CMSS1: variants seen among roughly 807,000 people sequenced by gnomAD.
The protein encoded by CMSS1 is protein CMSS1.
In CMSS1, 33 loss-of-function variants were observed where a neutral mutation model predicts 43.5. The ratio of observed to expected loss-of-function variants is 0.76; its 90% CI spans 0.57 to 1.01. The LOEUF (loss-of-function observed/expected upper bound fraction) is 1.01, where lower values mean the gene tolerates loss of function less well. Among genes scored for constraint, CMSS1 ranks in the 50% least tolerant of loss-of-function variants. CMSS1 has a pLI of 0.00. For synonymous variants in CMSS1, 115 were observed against 117.2 expected (o/e 0.98, Z 0.12); for missense variants, 313 against 326.4 (o/e 0.96, Z 0.32).
At chr3:99,986,507 G>A (rs746326595) in intron 1 of CMSS1, among the ~76,000 whole-genome samples, 9 of 152,152 alleles carry the variant, frequency 5.9e-5, no homozygotes, top group Admixed American at 1.3e-4. Flanking sequence ...AGAAATAGAC[G>A]AGAACAGGAG....
At chr3:100,119,110 A>G (rs2066599329) in intron 1 of CMSS1, among the ~76,000 whole-genome samples, 1 of 152,184 alleles carries the variant, frequency 6.6e-6, no homozygotes. Flanking sequence ...TAATGACTTT[A>G]AAATGATTCA....
At chr3:100,102,192 C>T (rs190926062) in intron 1 of CMSS1, among the ~76,000 whole-genome samples, 38 of 152,326 alleles carry the variant, frequency 2.5e-4, no homozygotes, top group Non-Finnish European at 4.9e-4. Context: ...TGAGGAATCA[C>T]CACACCGACT....
At chr3:100,164,230 T>C (rs1026253374) in intron 4 of CMSS1, among the ~76,000 whole-genome samples, 1 of 152,206 alleles carries the variant, frequency 6.6e-6, no homozygotes, top group African/African-American at 2.4e-5. Flanking sequence ...AAAACCACTT[T>C]TGAAGCTTTA....
At chr3:99,926,401 T>A (rs1707294637) in intron 1 of CMSS1, among the ~76,000 whole-genome samples, 1 of 152,252 alleles carries the variant, frequency 6.6e-6, no homozygotes, top group Non-Finnish European at 1.5e-5. Context: ...GAGGCTCTAG[T>A]GTTGATTGTC....
At chr3:99,827,654 G>T (rs1164958312) in intron 1 of CMSS1, among the ~76,000 whole-genome samples, 1 of 151,910 alleles carries the variant, frequency 6.6e-6, no homozygotes, top group Non-Finnish European at 1.5e-5. Context: ...GCCCAGGCTG[G>T]AGTGCAATGG....
chr3:100,135,484 G>A (rs1213216704), intron 1 of CMSS1, among the ~76,000 whole-genome samples: 1 of 144,710 alleles, frequency 6.9e-6, no homozygotes, highest in Non-Finnish European at 1.5e-5. Flanking sequence ...GTGTGTGTGT[G>A]TGTGTGTTTA....
Position 99,983,025 on chromosome 3 carries a change from TATGAGGGAAGTCATTGTTCTGTACCC to T in CMSS1, c.65-163945_65-163920del, listed in dbSNP as rs372420577. Among the ~76,000 whole-genome samples, 568 of 152,216 alleles carry T rather than the reference TATGAGGGAAGTCATTGTTCTGTACCC, an allele frequency of 3.7e-3. 3 individuals are homozygous for T. Among genetic ancestry groups the T allele is most frequent in the African/African-American group, 0.013 (540 of 41,526 alleles). ...TGTGCTTTTGTACCCACTGTGTGAA[TATGAGGGAAGTCATTGTTCTGTACCC>T]ATCAGGAATAACACATGCAATGATG... On this transcript the variant is annotated intron_variant, in intron 1 of 9. Transcript: ENST00000421999.
At chr3:99,849,719 C>T (rs765951675) in intron 1 of CMSS1, 5 of 1,613,774 alleles carry the variant, frequency 3.1e-6, no homozygotes, top group South Asian at 1.1e-5. Context: ...TATTCATCTT[C>T]TGTTTTCATG....
intron 1 of CMSS1, among the ~76,000 whole-genome samples, chr3:99,929,618 C>T (rs1707411036): frequency 6.6e-6 from 1 of 151,992 alleles, no homozygotes; most frequent in Admixed American, 6.6e-5. Context: ...GGGGAGCATT[C>T]TCTGGCATTT....
rs555086775 is a variant in CMSS1 at position 100,126,997 on chromosome 3, CA to C, written c.65-19963del. Among the ~76,000 whole-genome samples, 1,041 of 110,524 alleles carry C rather than the reference CA, an allele frequency of 9.4e-3. 4 individuals are homozygous for C. The highest frequency in any genetic ancestry group is 9.8e-3 in the Non-Finnish European group (522 of 53,086). The allele number at this position is 110,524 out of a possible 152,430, so 72.5% of individuals were successfully genotyped here. A position where few individuals can be genotyped will look rare whatever the true frequency, so the allele number is the denominator to read the frequency against. ...TGGGCGACAGAGTGAGACTCCGTCTCAAAAAAAAAAAAAGAAAGTTGGGCAG... is the reference window on the plus strand; with the variant it reads ...TGGGCGACAGAGTGAGACTCCGTCTCAAAAAAAAAAAAGAAAGTTGGGCAG... On this transcript the variant is annotated intron_variant, in intron 1 of 9. Transcript: ENST00000421999.
intron 1 of CMSS1, among the ~76,000 whole-genome samples, chr3:100,057,762 T>C (rs1010407961): frequency 6.6e-6 from 1 of 152,188 alleles, no homozygotes; most frequent in Non-Finnish European, 1.5e-5. Context: ...CGTGGCTGGC[T>C]CAGCATAACC....
intron 1 of CMSS1, among the ~76,000 whole-genome samples, chr3:99,961,421 T>C (rs1047395307): frequency 2.6e-5 from 4 of 152,190 alleles, no homozygotes; most frequent in East Asian, 1.9e-4. Context: ...ACTCTTATGC[T>C]ATATATGCAT....
intron 1 of CMSS1, among the ~76,000 whole-genome samples, chr3:100,143,610 C>G (rs2066822099): frequency 6.6e-6 from 1 of 152,136 alleles, no homozygotes; most frequent in African/African-American, 2.4e-5. Context: ...GATTTTCTAT[C>G]TAGTCATTCT....
chr3:100,123,712 A>G (rs1242564064), intron 1 of CMSS1, among the ~76,000 whole-genome samples: 1 of 152,146 alleles, frequency 6.6e-6, no homozygotes, highest in Non-Finnish European at 1.5e-5. Flanking sequence ...GGCCAAAAGC[A>G]TTTCTCTCTG....
At chr3:99,948,560 A>AGGG in intron 1 of CMSS1, among the ~76,000 whole-genome samples, 9 of 143,494 alleles carry the variant, frequency 6.3e-5, no homozygotes, top group Non-Finnish European at 1.4e-4. Flanking sequence ...GGGGAGAAGA[A>AGGG]GGAGAAGGCG....
chr3:99,835,593 G>A (rs1363213243), intron 1 of CMSS1, among the ~76,000 whole-genome samples: 1 of 152,122 alleles, frequency 6.6e-6, no homozygotes, highest in African/African-American at 2.4e-5. Context: ...CCCTGCAGTG[G>A]GAATTAATAG....
intron 1 of CMSS1, among the ~76,000 whole-genome samples, chr3:100,136,482 G>A (rs1209268429): frequency 6.6e-6 from 1 of 152,116 alleles, no homozygotes; most frequent in Non-Finnish European, 1.5e-5. Context: ...CCCTGCAGTG[G>A]GCATGTCAAG....
rs985420471 is a variant in CMSS1 at position 99,990,495 on chromosome 3, A to G, written c.65-156478A>G. Among the ~76,000 whole-genome samples, 4 of 152,232 alleles carry G rather than the reference A, an allele frequency of 2.6e-5. No homozygotes were observed. The East Asian group carries it at 7.7e-4, about 29-fold the overall frequency. ...TACACCTTCTCTCAACTTAAAGTCAAACTAACAAATGTGTATTAAATGAAT... is the reference window on the plus strand; with the variant it reads ...TACACCTTCTCTCAACTTAAAGTCAGACTAACAAATGTGTATTAAATGAAT... On this transcript the variant is annotated intron_variant, in intron 1 of 9. Transcript: ENST00000421999.
chr3:100,014,959 A>AT (rs779398385), intron 1 of CMSS1, among the ~76,000 whole-genome samples: 46 of 85,226 alleles, frequency 5.4e-4, no homozygotes, highest in Non-Finnish European at 7.4e-4. Context: ...TCCAAAAATT[A>AT]TTTCCCCTAC....
Sources: gnomAD v4.1 joint callset for allele counts (sites outside exome capture counted in the v4.1 genomes callset) on GRCh38, gnomAD v4.1.1 for gene constraint, MANE v1.5 for transcripts, NCBI Gene and HGNC (gene_info 2026-07-23, HGNC 2026-07-21) for gene names.